CCDC93: variants seen among roughly 807,000 people sequenced by gnomAD.
CCDC93 encodes the protein CCC complex scaffolding subunit CCDC93.
Under a neutral mutation model 108.2 loss-of-function variants are expected in CCDC93, and 61 were observed. The observed-to-expected ratio is 0.56, with a 90% CI of 0.46 to 0.70. The LOEUF (loss-of-function observed/expected upper bound fraction) is 0.70, where lower values mean the gene tolerates loss of function less well. CCDC93 is among the 30% of genes least tolerant of loss of function. CCDC93 has a pLI of 0.00. For synonymous variants in CCDC93, 276 were observed against 260.4 expected, an observed-to-expected ratio of 1.06 and a Z score of -0.58; for missense variants, 685 against 764.2, an observed-to-expected ratio of 0.90 and a Z score of 1.22.
In CCDC93 at chr2:117,996,275, T is replaced by C. The variant is rs1680642885; in HGVS notation, c.451A>G (p.Ser151Gly). The C allele has an allele frequency of 1.2e-6, 2 of 1,606,944 alleles. No individual in the cohort carries two copies. Among genetic ancestry groups the C allele is most frequent in the Non-Finnish European group, 1.7e-6 (2 of 1,173,540 alleles). Residue 151 changes from serine (S) to glycine (G), a missense_variant, in exon 5 of 24, where the codon AGT (serine) becomes GGT (glycine). Ser to Gly is a moderately conservative substitution (Grantham distance 56). Coordinates refer to ENST00000376300, the MANE Select transcript of CCDC93 (RefSeq NM_019044.5). ...YSVSQFQKTY[S>G]LPEDDDFIKR... Reference sequence around the variant, plus strand: ...ATCACAATACTGACCTCAGGGAGACTGTAAGTCTTCTGGAACTGGGATACA... The same window carrying C: ...ATCACAATACTGACCTCAGGGAGACCGTAAGTCTTCTGGAACTGGGATACA...
rs1453876605 is a variant in CCDC93, at chr2:117,931,036, C to A, written c.1842+1G>T. On this transcript the variant is annotated splice_donor_variant, in intron 23 of 23. Coordinates refer to ENST00000376300, the MANE Select transcript of CCDC93 (RefSeq NM_019044.5). LOFTEE classifies it high-confidence loss of function. ...AATGTGCTACCCAGCCTTCCTCTTACCTCCTTGAACTCTTTCACAGTCTTA... is the reference window on the plus strand; with the variant it reads ...AATGTGCTACCCAGCCTTCCTCTTAACTCCTTGAACTCTTTCACAGTCTTA... 6.3e-7 allele frequency: 1 copy of A among 1,593,574 alleles called. No individual in the cohort carries two copies. Among genetic ancestry groups the A allele is most frequent in the African/African-American group, 1.3e-5 (1 of 74,464 alleles).
intron 11 of CCDC93, among the ~76,000 whole-genome samples, chr2:117,966,520 A>C (rs1679580237): frequency 1.3e-5 from 2 of 152,240 alleles, no homozygotes; most frequent in Non-Finnish European, 2.9e-5. Flanking sequence ...TGCACCCAAA[A>C]GGCTTAAAAG....
intron 7 of CCDC93, among the ~76,000 whole-genome samples, chr2:117,981,898 CTA>C (rs1459082497): frequency 6.6e-6 from 1 of 152,098 alleles, no homozygotes; most frequent in Non-Finnish European, 1.5e-5. Flanking sequence ...TCAGGCCAAA[CTA>C]AGATGGTTAT....
At position 117,916,028 on chromosome 2, in the gene CCDC93, C is replaced by G. The variant is rs536252038; in HGVS notation, c.*4315G>C. 2 of 152,246 alleles carry G rather than the reference C, an allele frequency of 1.3e-5. No individual in the cohort carries two copies. The highest frequency in any genetic ancestry group is 2.9e-5 in the Non-Finnish European group (2 of 68,044). The allele number at this position is 152,246 out of a possible 1,614,324, so 9.4% of individuals were successfully genotyped here. On this transcript the variant is annotated 3_prime_UTR_variant, in exon 24 of 24. Coordinates refer to ENST00000376300, the MANE Select transcript of CCDC93 (RefSeq NM_019044.5). Reference sequence around the variant, plus strand: ...ATGTTTCAACAAAAACTCTTGTACACAAGTACCTTGTACACAGGTACAATT... The same window carrying G: ...ATGTTTCAACAAAAACTCTTGTACAGAAGTACCTTGTACACAGGTACAATT...
chr2:117,928,694 C>T (rs1191432743), intron 23 of CCDC93, among the ~76,000 whole-genome samples: 1 of 152,166 alleles, frequency 6.6e-6, no homozygotes, highest in Non-Finnish European at 1.5e-5. Flanking sequence ...TTGTGGAAGT[C>T]AGTGTGGCGA....
At chr2:117,920,872 G>A (rs967362011) in intron 23 of CCDC93, among the ~76,000 whole-genome samples, 2 of 152,162 alleles carry the variant, frequency 1.3e-5, no homozygotes, top group Admixed American at 6.5e-5. Flanking sequence ...TCAGAAAATA[G>A]GATAAGAGAT....
intron 23 of CCDC93, among the ~76,000 whole-genome samples, chr2:117,928,714 C>G (rs13430727): frequency 0.61 from 92,360 of 151,890 alleles, 28,718 homozygotes; most frequent in African/African-American, 0.72. Context: ...ATTCCTCAGG[C>G]ATCTAGAACT....
At chr2:117,926,282 A>T (rs1216877736) in intron 23 of CCDC93, among the ~76,000 whole-genome samples, 2 of 152,218 alleles carry the variant, frequency 1.3e-5, no homozygotes, top group Non-Finnish European at 2.9e-5. Context: ...GCAGAACTGA[A>T]GGAAATAGAG....
At position 117,978,041 on chromosome 2, in the gene CCDC93, C is replaced by CA. The variant is rs773883834; in HGVS notation, c.621-12dup. On this transcript the variant is annotated splice_polypyrimidine_tract_variant and intron_variant, in intron 7 of 23. Transcript: ENST00000376300. ...CTAAATCCATATCTCCTGCAGGCCA[C>CA]AAAAAAGGAGTTTAATTACTACTTA... The CA allele has an allele frequency of 1.2e-6, 2 of 1,611,430 alleles. No individual in the cohort carries two copies. Among genetic ancestry groups the CA allele is most frequent in the Non-Finnish European group, 1.7e-6 (2 of 1,178,724 alleles).
chr2:117,955,143 G>A (rs763006249), intron 12 of CCDC93, among the ~76,000 whole-genome samples: 6 of 152,162 alleles, frequency 3.9e-5, no homozygotes, highest in Non-Finnish European at 7.3e-5. Context: ...TGCGAACTGA[G>A]TCAATTTTGC....
chr2:117,918,190 G>A lies in CCDC93; in HGVS notation c.*2153C>T, dbSNP rs1677748492. 6.6e-6 allele frequency: 1 copy of A among 152,082 alleles called. No individual in the cohort carries two copies. The highest frequency in any genetic ancestry group is 1.5e-5 in the Non-Finnish European group (1 of 68,032). The allele number at this position is 152,082 out of a possible 1,614,324, so 9.4% of individuals were successfully genotyped here. On this transcript the variant is annotated 3_prime_UTR_variant, in exon 24 of 24. Transcript: ENST00000376300. The stretch of plus-strand genomic sequence containing the variant: ...ATGTAACATCCTAATTACTCAGAAA[G>A]GCACTGTCCACACTGAGAGTTGTCT...
rs758713336 is a variant in CCDC93 at position 117,952,407 on chromosome 2, G to C, written c.1034C>G (p.Ala345Gly). ...CGTTTTCTTGGCTTCATTATATCTG[G>C]CTTGTAGGCTGGTGTGACTTGCTCG... The part of the protein sequence containing the change: ...ELRASHTSLQ[A>G]RYNEAKKTLT... The change falls in exon 13 of 24, where the codon GCC (alanine) becomes GGC (glycine). Residue 345 changes from alanine to glycine, a missense_variant. By Grantham distance (60) the Ala-to-Gly change is moderately conservative (BLOSUM62 0). Transcript: ENST00000376300. 2 of 1,613,300 alleles carry C rather than the reference G, an allele frequency of 1.2e-6. No individual in the cohort carries two copies. Among genetic ancestry groups the C allele is most frequent in the Non-Finnish European group, 1.7e-6 (2 of 1,179,248 alleles).
In CCDC93 at chr2:118,013,953, C is replaced by A; in HGVS notation, c.42+1G>T. 6.3e-7 allele frequency: 1 copy of A among 1,591,594 alleles called. No homozygotes were observed. Among genetic ancestry groups the A allele is most frequent in the East Asian group, 2.3e-5 (1 of 43,228 alleles). ...GTCAGGGAAGGAGGAGGCGTTCTTA[C>A]CTCCGGGAGACCCTGGCCCTCCGGC... On this transcript the variant is annotated splice_donor_variant, in intron 1 of 23. Transcript: ENST00000376300. LOFTEE classifies it high-confidence loss of function.
At chr2:117,921,937 G>A (rs1363331191) in intron 23 of CCDC93, 1 of 151,836 alleles carries the variant, frequency 6.6e-6, no homozygotes, top group African/African-American at 2.4e-5. Flanking sequence ...GGGCAGTGGG[G>A]GGACAGAAAT....
chr2:117,987,250 C>T (rs554955497), intron 6 of CCDC93, among the ~76,000 whole-genome samples: 1 of 152,268 alleles, frequency 6.6e-6, no homozygotes, highest in East Asian at 1.9e-4. Flanking sequence ...ATCAACCTTA[C>T]TTTACTATTG....
chr2:117,955,358 A>G (rs980803037), intron 12 of CCDC93, among the ~76,000 whole-genome samples: 1 of 152,034 alleles, frequency 6.6e-6, no homozygotes, highest in African/African-American at 2.4e-5. Context: ...TGACCTTGTA[A>G]AAGAGGCTGT....
chr2:117,976,502 T>C (rs1328690313), intron 8 of CCDC93, among the ~76,000 whole-genome samples: 1 of 152,154 alleles, frequency 6.6e-6, no homozygotes, highest in Non-Finnish European at 1.5e-5. Flanking sequence ...GAAGACATCA[T>C]AATCAGTACA....
intron 16 of CCDC93, among the ~76,000 whole-genome samples, chr2:117,946,437 T>C (rs909916576): frequency 6.6e-6 from 1 of 151,978 alleles, no homozygotes; most frequent in Non-Finnish European, 1.5e-5. Context: ...CTTTTGGGAG[T>C]GGGGCATTAT....
chr2:117,948,253 G>A, intron 14 of CCDC93, 67 bp from the exon 15 acceptor site: 1 of 1,126,470 alleles, frequency 8.9e-7, no homozygotes, highest in Admixed American at 1.9e-5. Context: ...GCAGCTAAAA[G>A]CAGGTCCGCA....
Sources: allele counts gnomAD v4.1 joint callset (sites outside exome capture counted in the v4.1 genomes callset), GRCh38; gene constraint gnomAD v4.1.1; transcripts MANE v1.5; gene names NCBI Gene and HGNC (gene_info 2026-07-23, HGNC 2026-07-21).